The following FAM174A variants were observed in gnomAD, a reference collection of about 807,000 sequenced individuals.
FAM174A encodes the protein membrane protein FAM174A.
A neutral mutation model predicts 14.3 loss-of-function variants in FAM174A; 14 were observed. The observed-to-expected ratio is 0.98, with a 90% CI of 0.65 to 1.53. The LOEUF (loss-of-function observed/expected upper bound fraction) is 1.53. Among genes scored for constraint, FAM174A ranks in the 40% most tolerant of loss-of-function variants. FAM174A has a pLI of 0.00. For missense variants in FAM174A, 241 were observed against 249.6 expected (o/e 0.97, Z 0.23); for synonymous variants, 108 against 111.4 (o/e 0.97, Z 0.19).
chr5:100,561,660 A>G (rs1746524462), intron 1 of FAM174A, among the ~76,000 whole-genome samples: 1 of 151,910 alleles, frequency 6.6e-6, no homozygotes, highest in African/African-American at 2.4e-5. Context: ...TTAGAGGGGC[A>G]TCTAAACAGT....
intron 1 of FAM174A, among the ~76,000 whole-genome samples, chr5:100,545,150 A>G (rs965134967): frequency 2.2e-4 from 33 of 152,098 alleles, no homozygotes; most frequent in African/African-American, 8.0e-4. Flanking sequence ...TTTGATTCTA[A>G]TTTTATCTTT....
intron 1 of FAM174A, among the ~76,000 whole-genome samples, chr5:100,553,823 A>G (rs2112375848): frequency 6.6e-6 from 1 of 152,308 alleles, no homozygotes; most frequent in Non-Finnish European, 1.5e-5. Flanking sequence ...AAATAGTATT[A>G]TTAGGCAAAT....
chr5:100,551,968 G>A (rs1746271538), intron 1 of FAM174A, among the ~76,000 whole-genome samples: 1 of 152,096 alleles, frequency 6.6e-6, no homozygotes, highest in South Asian at 2.1e-4. Context: ...TGCAGTACCG[G>A]GGATTAGGAC....
chr5:100,575,288 C>T (rs968537536), intron 2 of FAM174A, among the ~76,000 whole-genome samples: 10 of 151,862 alleles, frequency 6.6e-5, no homozygotes, highest in African/African-American at 2.2e-4. Context: ...TTCTAGGGTA[C>T]ATGTGCACAA....
At chr5:100,579,259 G>T (rs763414405) in intron 2 of FAM174A, among the ~76,000 whole-genome samples, 18 of 152,172 alleles carry the variant, frequency 1.2e-4, no homozygotes, top group Middle Eastern at 3.4e-3. Context: ...ATATCATCCT[G>T]ATAAAGATTC....
intron 2 of FAM174A, among the ~76,000 whole-genome samples, chr5:100,573,930 C>T (rs1458148413): frequency 1.3e-5 from 2 of 151,980 alleles, no homozygotes; most frequent in African/African-American, 4.8e-5. Context: ...CGCATATCTA[C>T]AACTATCTGA....
intron 2 of FAM174A, among the ~76,000 whole-genome samples, chr5:100,568,365 C>T (rs1053570081): frequency 8.6e-5 from 13 of 151,774 alleles, no homozygotes; most frequent in African/African-American, 2.9e-4. Context: ...CCATAGAGCC[C>T]TGGTTTCTTT....
intron 2 of FAM174A, among the ~76,000 whole-genome samples, chr5:100,577,258 A>G (rs976389937): frequency 2.0e-5 from 3 of 152,124 alleles, no homozygotes; most frequent in East Asian, 1.9e-4. Context: ...TAATAATTTT[A>G]TAATGATATA....
intron 2 of FAM174A, among the ~76,000 whole-genome samples, chr5:100,571,332 C>T (rs1233029173): frequency 6.6e-6 from 1 of 151,468 alleles, no homozygotes. Context: ...ATGAGTGAAA[C>T]TGTTAAGTGA....
chr5:100,558,960 G>A (rs539578101), intron 1 of FAM174A, among the ~76,000 whole-genome samples: 2 of 152,138 alleles, frequency 1.3e-5, no homozygotes, highest in Non-Finnish European at 2.9e-5. Context: ...ATTGTGATGT[G>A]TGAATTTGAT....
At chr5:100,574,643 CTT>C (rs1259998407) in intron 2 of FAM174A, among the ~76,000 whole-genome samples, 1 of 151,884 alleles carries the variant, frequency 6.6e-6, no homozygotes, top group Admixed American at 6.6e-5. Context: ...TTACTTCTCT[CTT>C]GTTATAATTC....
intron 1 of FAM174A, 62 bp downstream of exon 1, chr5:100,536,026 A>T: frequency 6.9e-7 from 1 of 1,440,490 alleles, no homozygotes; most frequent in Non-Finnish European, 9.3e-7. Context: ...GGTGATCTCC[A>T]GCAAGGCTGA....
At chr5:100,544,806 T>C (rs919622124) in intron 1 of FAM174A, among the ~76,000 whole-genome samples, 8 of 152,310 alleles carry the variant, frequency 5.3e-5, no homozygotes, top group African/African-American at 1.9e-4. Flanking sequence ...CTGTAATTGA[T>C]AGAGGTTGAA....
chr5:100,566,176 A>G (rs989536075), intron 2 of FAM174A, among the ~76,000 whole-genome samples: 23 of 142,544 alleles, frequency 1.6e-4, no homozygotes, highest in African/African-American at 5.6e-4. Context: ...ATATATGTAC[A>G]TATAATATAT....
intron 1 of FAM174A, among the ~76,000 whole-genome samples, chr5:100,551,831 C>G (rs1455323120): frequency 6.6e-6 from 1 of 152,078 alleles, no homozygotes; most frequent in Non-Finnish European, 1.5e-5. Context: ...TGCCTGTGTG[C>G]GTGTCTGTCT....
At chr5:100,585,249 T>C (rs1747104952) in intron 2 of FAM174A, among the ~76,000 whole-genome samples, 1 of 152,184 alleles carries the variant, frequency 6.6e-6, no homozygotes, top group South Asian at 2.1e-4. Context: ...TACATATCTC[T>C]CGACTGCAAA....
At chr5:100,567,512 C>G (rs552625018) in intron 2 of FAM174A, among the ~76,000 whole-genome samples, 2 of 151,758 alleles carry the variant, frequency 1.3e-5, no homozygotes, top group South Asian at 4.2e-4. Context: ...TATATTCATG[C>G]GTTACTTTTT....
At chr5:100,551,120 G>T (rs1746253948) in intron 1 of FAM174A, among the ~76,000 whole-genome samples, 1 of 152,140 alleles carries the variant, frequency 6.6e-6, no homozygotes. Context: ...AGGAAGAGAT[G>T]ATAGGATAGC....
At chr5:100,563,275 G>A (rs192235323) in intron 2 of FAM174A, among the ~76,000 whole-genome samples, 31 of 151,714 alleles carry the variant, frequency 2.0e-4, no homozygotes, top group African/African-American at 7.0e-4. Flanking sequence ...AATTAAAGAC[G>A]CATATAAGAT....
Sources: gnomAD v4.1 joint callset for allele counts (sites outside exome capture counted in the v4.1 genomes callset) on GRCh38, gnomAD v4.1.1 for gene constraint, MANE v1.5 for transcripts, NCBI Gene and HGNC (gene_info 2026-07-23, HGNC 2026-07-21) for gene names.